KMT2C: variants seen among roughly 807,000 people sequenced by gnomAD.
KMT2C encodes histone-lysine N-methyltransferase 2C.
In KMT2C, 88 loss-of-function variants were observed where a neutral mutation model predicts 507.9. That is an observed-to-expected ratio of 0.17 (90% CI 0.15 to 0.21). KMT2C has a LOEUF of 0.21. KMT2C is among the 10% of genes least tolerant of loss of function. The probability of loss-of-function intolerance (pLI) is 1.00; values close to 1 mark genes in which losing one functional copy is unlikely to be tolerated. For synonymous variants in KMT2C, 2,049 were observed against 2,080.8 expected, an observed-to-expected ratio of 0.98 and a Z score of 0.42; for missense variants, 4,954 against 5,957.8, an observed-to-expected ratio of 0.83 and a Z score of 5.55.
rs2129132996 is a variant in KMT2C, at chr7:152,199,323, G to A, written c.4229C>T (p.Pro1410Leu). The A allele has an allele frequency of 6.2e-6, 10 of 1,600,532 alleles. No homozygotes were observed. Among genetic ancestry groups the A allele is most frequent in the Non-Finnish European group, 8.5e-6 (10 of 1,175,426 alleles). ...NTGFLDPSLD[P>L]LLSSSSAPTK... Reference sequence around the variant, plus strand: ...TGGAGCCGAGGATGAACTAAGTAGTGGATCTAAGGAAGGATCCAAGAAACC... The same window carrying A: ...TGGAGCCGAGGATGAACTAAGTAGTAGATCTAAGGAAGGATCCAAGAAACC... The change falls in exon 27 of 59, where the codon CCA becomes CTA. Residue 1410 changes from proline (P) to leucine (L), a missense_variant. Physicochemically the swap from Pro to Leu is moderately conservative, Grantham distance 98 (BLOSUM62 -3). This residue lies in a region of KMT2C where 140 missense variants were observed against 118.4 expected (regional missense o/e 1.18). Transcript: ENST00000262189.
Position 152,362,664 on chromosome 7 carries a change from CTACTT to C in KMT2C, c.162-3994_162-3990del, listed in dbSNP as rs566473026. On this transcript the variant is annotated intron_variant, in intron 1 of 58. Transcript: ENST00000262189. ...TAATCTCTCAGACCCATGTTTTGCT[CTACTT>C]TGAGTTTTTTCTCCACTATCTTGAC... is the stretch of plus-strand genomic sequence containing the variant. 2.0e-4 allele frequency among the ~76,000 whole-genome samples: 30 copies of C among 152,226 alleles called. No individual in the cohort carries two copies. In the East Asian group the frequency reaches 4.6e-3, roughly 23 times the overall value.
intron 6 of KMT2C, among the ~76,000 whole-genome samples, chr7:152,306,349 A>C (rs1312929978): frequency 1.3e-5 from 2 of 152,200 alleles, no homozygotes; most frequent in Non-Finnish European, 2.9e-5. Flanking sequence ...ACTGACAAAT[A>C]TACTCTGAGA....
At chr7:152,379,249 C>T (rs925094131) in intron 1 of KMT2C, among the ~76,000 whole-genome samples, 4 of 152,030 alleles carry the variant, frequency 2.6e-5, no homozygotes, top group African/African-American at 9.7e-5. Flanking sequence ...ATAAAAAATA[C>T]GTAGTTAAGG....
intron 9 of KMT2C, among the ~76,000 whole-genome samples, 199 bp downstream of exon 9, chr7:152,262,817 C>A (rs771046587): frequency 3.9e-5 from 6 of 152,034 alleles, no homozygotes; most frequent in Non-Finnish European, 5.9e-5. Flanking sequence ...CCAAGAGGCA[C>A]CAGGAAACTT....
At position 152,187,492 on chromosome 7, in the gene KMT2C, T is replaced by C. The variant is rs2129124846; in HGVS notation, c.4794-16A>G. 1 of 1,590,252 alleles carries C rather than the reference T, an allele frequency of 6.3e-7. No homozygotes were observed. Among genetic ancestry groups the C allele is most frequent in the Non-Finnish European group, 8.6e-7 (1 of 1,159,114 alleles). On this transcript the variant is annotated splice_polypyrimidine_tract_variant and intron_variant, in intron 32 of 58. Coordinates refer to ENST00000262189, the MANE Select transcript of KMT2C (RefSeq NM_170606.3). ...ATTTTTATCCCTGGGAAAAAATAAA[T>C]ATCTTTACTTTATGAACATAAAATA... is the stretch of plus-strand genomic sequence containing the variant.
chr7:152,186,166 A>G (rs191901613), intron 33 of KMT2C, among the ~76,000 whole-genome samples: 2 of 152,360 alleles, frequency 1.3e-5, no homozygotes, highest in African/African-American at 4.8e-5. Flanking sequence ...ATAAATACAG[A>G]AATTATTTAT....
intron 2 of KMT2C, 108 bp downstream of exon 2, chr7:152,358,479 T>C (rs1328846481): frequency 2.9e-6 from 2 of 701,300 alleles, no homozygotes; most frequent in East Asian, 2.7e-5. Context: ...GAGTTCAGTA[T>C]AAAAACAAAT....
At chr7:152,178,824 A>G (rs1016454431) in intron 37 of KMT2C, among the ~76,000 whole-genome samples, 5 of 152,226 alleles carry the variant, frequency 3.3e-5, no homozygotes, top group Non-Finnish European at 7.3e-5. Context: ...CATATCTTAA[A>G]GAACTATTTC....
chr7:152,298,350 A>G (rs1311113617), intron 6 of KMT2C, among the ~76,000 whole-genome samples: 4 of 152,228 alleles, frequency 2.6e-5, no homozygotes, highest in Admixed American at 6.5e-5. Flanking sequence ...ACATTAAGGG[A>G]TAACATAATC....
rs1294645577 is a variant in KMT2C at position 152,181,935 on chromosome 7, T to G, written c.5925A>C (p.Thr1975=). The G allele has an allele frequency of 6.2e-7, 1 of 1,614,192 alleles. No homozygotes were observed. The highest frequency in any genetic ancestry group is 1.7e-5 in the Admixed American group (1 of 60,022). ...GGCCCAAGGATTTGGGAAATTGATC[T>G]GTCATCACAGGCCTAGGTGTGTCTG... ...KPPDTPRPVM[T]DQFPKSLGLS... The change falls in exon 36 of 59, where the codon ACA becomes ACC. Residue 1975 remains threonine (T), a synonymous_variant. Transcript: ENST00000262189.
At chr7:152,209,743 T>TA (rs1174360544) in intron 23 of KMT2C, among the ~76,000 whole-genome samples, 3,053 of 116,284 alleles carry the variant, frequency 0.026, 68 homozygotes, top group African/African-American at 0.059. Context: ...CAATCTCCTT[T>TA]AAAAAAAAAA....
intron 26 of KMT2C, among the ~76,000 whole-genome samples, chr7:152,202,065 G>A (rs1159037968): frequency 6.6e-6 from 1 of 152,204 alleles, no homozygotes; most frequent in African/African-American, 2.4e-5. Flanking sequence ...TACCTAACTG[G>A]AAAATTGATG....
intron 5 of KMT2C, among the ~76,000 whole-genome samples, chr7:152,311,446 T>A (rs115459489): frequency 2.0e-5 from 3 of 152,176 alleles, no homozygotes; most frequent in South Asian, 2.1e-4. Flanking sequence ...TTTTCATTCA[T>A]GCCCAAATAA....
intron 1 of KMT2C, among the ~76,000 whole-genome samples, chr7:152,428,102 G>A (rs2097837643): frequency 6.6e-6 from 1 of 151,898 alleles, no homozygotes; most frequent in African/African-American, 2.4e-5. Context: ...ATGCTAAACA[G>A]AATACAAAGT....
intron 2 of KMT2C, among the ~76,000 whole-genome samples, chr7:152,345,099 T>C (rs2097044649): frequency 6.6e-6 from 1 of 151,196 alleles, no homozygotes. Flanking sequence ...TTAACAGATA[T>C]GGTAGATATC....
chr7:152,383,134 TTG>T (rs777688708), intron 1 of KMT2C, among the ~76,000 whole-genome samples: 6 of 142,130 alleles, frequency 4.2e-5, no homozygotes, highest in Non-Finnish European at 7.9e-5. Context: ...TATATATAAT[TTG>T]TGTGTGTGTG....
At chr7:152,250,056 A>G (rs2095539554) in intron 12 of KMT2C, 103 bp from the exon 13 acceptor site, 2 of 666,130 alleles carry the variant, frequency 3.0e-6, no homozygotes, top group Non-Finnish European at 5.3e-6. Flanking sequence ...CTAAATGTCA[A>G]TTTCCAATAT....
intron 3 of KMT2C, among the ~76,000 whole-genome samples, chr7:152,325,111 T>G (rs1291385929): frequency 6.6e-6 from 1 of 152,004 alleles, no homozygotes; most frequent in Non-Finnish European, 1.5e-5. Flanking sequence ...GTATTTTTCA[T>G]GAAAAGTTGT....
At chr7:152,228,290 T>C (rs2094996648) in intron 18 of KMT2C, among the ~76,000 whole-genome samples, 1 of 152,192 alleles carries the variant, frequency 6.6e-6, no homozygotes, top group South Asian at 2.1e-4. Flanking sequence ...AACCATAAAG[T>C]TTGAAAATAT....
Sources: gnomAD v4.1 joint callset for allele counts (sites outside exome capture counted in the v4.1 genomes callset) on GRCh38, gnomAD v4.1.1 for gene constraint, gnomAD v4.1.1 regional missense constraint, MANE v1.5 for transcripts, NCBI Gene and HGNC (gene_info 2026-07-23, HGNC 2026-07-21) for gene names.